The following RBFOX1 variants were observed in gnomAD, a reference collection of about 807,000 sequenced individuals.
RBFOX1 encodes RNA binding fox-1 homolog 1.
Under a neutral mutation model 57.7 loss-of-function variants are expected in RBFOX1, and 8 were observed. That is an observed-to-expected ratio of 0.14 (90% confidence interval 0.08 to 0.25). The LOEUF is 0.25. RBFOX1 is among the 10% of genes least tolerant of loss of function. The pLI, the probability that RBFOX1 is intolerant of heterozygous loss-of-function variation, is 1.00. For synonymous variants in RBFOX1, 326 were observed against 222.4 expected, an observed-to-expected ratio of 1.47 and a Z score of -4.15; for missense variants, 611 against 548.5, an observed-to-expected ratio of 1.11 and a Z score of -1.14.
intron 4 of RBFOX1, among the ~76,000 whole-genome samples, chr16:7,092,831 C>A (rs920444795): frequency 1.2e-4 from 18 of 152,112 alleles, no homozygotes; most frequent in African/African-American, 4.3e-4. Flanking sequence ...TATTCTGTCC[C>A]CTTTACCAAA....
At chr16:7,370,867 T>A (rs1017766506) in intron 4 of RBFOX1, among the ~76,000 whole-genome samples, 6 of 152,308 alleles carry the variant, frequency 3.9e-5, no homozygotes, top group African/African-American at 1.4e-4. Flanking sequence ...ACACTGACAT[T>A]TATGCATAAA....
At chr16:5,809,112 C>G (rs1185339343) in intron 3 of RBFOX1, among the ~76,000 whole-genome samples, 1 of 152,186 alleles carries the variant, frequency 6.6e-6, no homozygotes, top group African/African-American at 2.4e-5. Flanking sequence ...GGAAAACTGG[C>G]TAGCCACATG....
At chr16:6,536,941 T>C (rs1599176565) in intron 2 of RBFOX1, among the ~76,000 whole-genome samples, 1 of 152,200 alleles carries the variant, frequency 6.6e-6, no homozygotes, top group Non-Finnish European at 1.5e-5. Flanking sequence ...GTAATTTTTG[T>C]TTCTTCTAAT....
At chr16:5,265,072 G>A (rs916763164) in intron 1 of RBFOX1, among the ~76,000 whole-genome samples, 1 of 151,802 alleles carries the variant, frequency 6.6e-6, no homozygotes, top group Admixed American at 6.6e-5. Context: ...AAAAAAAATA[G>A]CAACCTTATG....
chr16:7,167,247 A>C (rs995925477), intron 4 of RBFOX1, among the ~76,000 whole-genome samples: 5 of 151,640 alleles, frequency 3.3e-5, no homozygotes, highest in African/African-American at 1.2e-4. Flanking sequence ...CTGCCTACCA[A>C]AGTGCTGGGA....
intron 13 of RBFOX1, among the ~76,000 whole-genome samples, chr16:7,676,309 G>A (rs1411969622): frequency 8.6e-5 from 13 of 151,964 alleles, no homozygotes; most frequent in Non-Finnish European, 1.6e-4. Context: ...TCAATCAAAG[G>A]GTGATTTAAT....
At chr16:5,279,624 C>T (rs1473737139) in intron 1 of RBFOX1, among the ~76,000 whole-genome samples, 1 of 121,926 alleles carries the variant, frequency 8.2e-6, no homozygotes, top group Non-Finnish European at 1.9e-5. Context: ...GCTTCAGCCT[C>T]CCAAGTAGCT....
chr16:6,799,703 C>T (rs79984118), intron 3 of RBFOX1, among the ~76,000 whole-genome samples: 6,302 of 152,200 alleles, frequency 0.041, 277 homozygotes, highest in South Asian at 0.15. Flanking sequence ...AGTCTTCCAC[C>T]TTTCGTCTTT....
intron 3 of RBFOX1, among the ~76,000 whole-genome samples, chr16:5,640,768 C>T (rs979448273): frequency 6.6e-6 from 1 of 150,950 alleles, no homozygotes; most frequent in Non-Finnish European, 1.5e-5. Context: ...TGGATACACA[C>T]AGGCACATAC....
chr16:7,271,320 G>A (rs1429572290), intron 4 of RBFOX1, among the ~76,000 whole-genome samples: 1 of 151,442 alleles, frequency 6.6e-6, no homozygotes, highest in Non-Finnish European at 1.5e-5. Flanking sequence ...GACGGGCCTG[G>A]GTTGCAACAA....
At chr16:6,822,051 A>G (rs750786685) in intron 3 of RBFOX1, among the ~76,000 whole-genome samples, 1 of 152,182 alleles carries the variant, frequency 6.6e-6, no homozygotes, top group African/African-American at 2.4e-5. Flanking sequence ...ACAAGTGATC[A>G]TCATACTGAG....
chr16:5,656,025 C>T (rs1222693080), intron 3 of RBFOX1, among the ~76,000 whole-genome samples: 2 of 152,112 alleles, frequency 1.3e-5, no homozygotes, highest in Admixed American at 1.3e-4. Flanking sequence ...AGTACGTGCT[C>T]GTTAAAAGCT....
chr16:5,913,648 C>G (rs1200638413), intron 4 of RBFOX1, among the ~76,000 whole-genome samples: 1 of 152,176 alleles, frequency 6.6e-6, no homozygotes, highest in Admixed American at 6.5e-5. Context: ...TTATACATTA[C>G]CCAGTCTCAG....
At chr16:5,432,227 G>A (rs2067760393) in intron 1 of RBFOX1, among the ~76,000 whole-genome samples, 1 of 152,142 alleles carries the variant, frequency 6.6e-6, no homozygotes, top group Non-Finnish European at 1.5e-5. Context: ...GAAAGCATGG[G>A]ACAGAATCAA....
intron 3 of RBFOX1, among the ~76,000 whole-genome samples, chr16:5,631,390 C>G (rs923433558): frequency 1.3e-5 from 2 of 152,112 alleles, no homozygotes; most frequent in Non-Finnish European, 2.9e-5. Context: ...AACTCCATCT[C>G]TATTAAAAAT....
intron 2 of RBFOX1, among the ~76,000 whole-genome samples, chr16:5,482,464 G>A (rs1410575606): frequency 6.6e-6 from 1 of 152,196 alleles, no homozygotes; most frequent in Non-Finnish European, 1.5e-5. Context: ...GCTTGAGTAG[G>A]GAAGACAGCC....
exon 3 of RBFOX1, chr16:5,599,362 T>C: frequency 1.7e-6 from 1 of 605,356 alleles, no homozygotes; most frequent in East Asian, 2.7e-5. Flanking sequence ...CAGGAATGCT[T>C]ACTGAGTGCT....
In RBFOX1 at chr16:5,307,018, A is replaced by G. The variant is rs1233389395; in HGVS notation, c.219+66913A>G. Among the ~76,000 whole-genome samples the G allele has an allele frequency of 2.0e-5, 3 of 152,186 alleles. No homozygotes were observed. In the East Asian group the frequency reaches 5.8e-4, roughly 29 times the overall value. On this transcript the variant is annotated intron_variant, in intron 1 of 2. Transcript: ENST00000585867. ...TCTTTGCTGGCTGGTTAGTGCAGAA[A>G]TATGAAATTACTATTTTCACTTCAA...
chr16:5,835,493 T>C (rs555519231), intron 3 of RBFOX1, among the ~76,000 whole-genome samples: 1 of 152,316 alleles, frequency 6.6e-6, no homozygotes, highest in Admixed American at 6.5e-5. Context: ...GGTATCAACA[T>C]CCTGCCTGTT....
Sources: allele counts gnomAD v4.1 joint callset (sites outside exome capture counted in the v4.1 genomes callset), GRCh38; gene constraint gnomAD v4.1.1; transcripts MANE v1.5; gene names NCBI Gene and HGNC (gene_info 2026-07-23, HGNC 2026-07-21).